The following ZNF678 variants were observed in gnomAD, a reference collection of about 807,000 sequenced individuals.
ZNF678 encodes hypothetical protein MGC42493.
A neutral mutation model predicts 3.0 loss-of-function variants in ZNF678; 5 were observed. The ratio of observed to expected loss-of-function variants is 1.69; its 90% confidence interval spans 0.88 to 3.56. ZNF678 has a LOEUF of 3.56. ZNF678 is among the 30% of genes most tolerant of loss of function. The pLI is 0.00. For synonymous variants in ZNF678, 218 were observed against 199.6 expected (o/e 1.09, Z -0.78); for missense variants, 593 against 605.0 (o/e 0.98, Z 0.21).
At chr1:227,646,732 C>T (rs1416358479) in intron 2 of ZNF678, 62 bp downstream of exon 2, 13 of 1,304,194 alleles carry the variant, frequency 1.0e-5, no homozygotes, top group Non-Finnish European at 1.3e-5. Flanking sequence ...ATTTTTCACT[C>T]CTGAAATGTT....
chr1:227,576,324 G>A (rs1266337404), intron 1 of ZNF678, among the ~76,000 whole-genome samples: 1 of 152,192 alleles, frequency 6.6e-6, no homozygotes, highest in Non-Finnish European at 1.5e-5. Context: ...AGCAGGAATG[G>A]AACCAGCTGT....
In ZNF678 at chr1:227,632,985, G is replaced by A. The variant is rs138235180; in HGVS notation, c.-163-13559G>A. 5.6e-4 allele frequency among the ~76,000 whole-genome samples: 86 copies of A among 152,262 alleles called. No individual in the cohort carries two copies. The East Asian group carries it at 0.013, about 23-fold the overall frequency. ...CCATGGGTCACAGAAGAGAACCGTG[G>A]AACCCAGAAACTAGTGTTCAGCTTG... On this transcript the variant is annotated intron_variant, in intron 1 of 3. Transcript: ENST00000343776.
chr1:227,634,344 G>A (rs773353899), intron 1 of ZNF678, among the ~76,000 whole-genome samples: 61 of 152,272 alleles, frequency 4.0e-4, no homozygotes, highest in Admixed American at 1.1e-3. Context: ...AAAAGCAGAG[G>A]AAAAGGTAAA....
At chr1:227,582,537 CA>C in intron 1 of ZNF678, 1 of 205,966 alleles carries the variant, frequency 4.9e-6, no homozygotes, top group Non-Finnish European at 1.0e-5. Flanking sequence ...CTATGTTGCC[CA>C]GGCTGGTCTT....
intron 1 of ZNF678, among the ~76,000 whole-genome samples, chr1:227,564,289 A>G (rs1656613105): frequency 6.6e-6 from 1 of 152,168 alleles, no homozygotes; most frequent in South Asian, 2.1e-4. Flanking sequence ...CTGGTTATTT[A>G]ATTACTGATT....
intron 1 of ZNF678, among the ~76,000 whole-genome samples, chr1:227,643,059 G>A (rs1401311967): frequency 6.6e-6 from 1 of 151,936 alleles, no homozygotes; most frequent in Non-Finnish European, 1.5e-5. Flanking sequence ...TAGAGAGAGA[G>A]GTGCACAGGG....
In ZNF678 at chr1:227,660,487, C is replaced by T. The variant is rs1158742237; in HGVS notation, c.*4659C>T. The T allele has an allele frequency of 3.9e-5, 6 of 151,948 alleles. No individual in the cohort carries two copies. Among genetic ancestry groups the T allele is most frequent in the African/African-American group, 1.4e-4 (6 of 41,394 alleles). 9.4% of individuals were successfully genotyped at this position (151,948 alleles called of 1,614,324 possible). A position where few individuals can be genotyped will look rare whatever the true frequency, so the allele number is the denominator to read the frequency against. On this transcript the variant is annotated 3_prime_UTR_variant, in exon 4 of 4. Transcript: ENST00000343776. ...TTATTTGGAAGTAAACTTTCTGTAA[C>T]TATTGCAGGTGTCAATTGTTTTCTT...
At chr1:227,593,683 A>G (rs991402497) in intron 1 of ZNF678, among the ~76,000 whole-genome samples, 1 of 152,210 alleles carries the variant, frequency 6.6e-6, no homozygotes, top group African/African-American at 2.4e-5. Context: ...TGAAATTAAC[A>G]TGGTTATGTT....
chr1:227,596,770 G>A (rs1302752010), intron 1 of ZNF678, among the ~76,000 whole-genome samples: 11 of 152,122 alleles, frequency 7.2e-5, no homozygotes, highest in Non-Finnish European at 1.5e-5. Flanking sequence ...AATATAACTT[G>A]ATGTACAATT....
rs61574768 is a variant in ZNF678 at position 227,577,377 on chromosome 1, T to C, written c.-164+13653T>C. On this transcript the variant is annotated intron_variant, in intron 1 of 3. Coordinates refer to ENST00000343776, the MANE Select transcript of ZNF678 (RefSeq NM_001367909.1). ...ATTACTGTGTGGGAGTCTAAATTTC[T>C]TTGAAGGTCTCTAAGAACTTGCTTT... is the stretch of plus-strand genomic sequence containing the variant. 8.8e-3 allele frequency among the ~76,000 whole-genome samples: 1,342 copies of C among 152,352 alleles called. 26 individuals carry two copies. The highest frequency in any genetic ancestry group is 0.031 in the African/African-American group (1,279 of 41,574).
chr1:227,626,851 G>A (rs1489925499), intron 1 of ZNF678, among the ~76,000 whole-genome samples: 1 of 151,866 alleles, frequency 6.6e-6, no homozygotes, highest in African/African-American at 2.4e-5. Context: ...AAGTGGGGCC[G>A]TTATCACTCT....
chr1:227,609,960 C>G (rs1212827652), intron 1 of ZNF678, among the ~76,000 whole-genome samples: 1 of 152,130 alleles, frequency 6.6e-6, no homozygotes, highest in East Asian at 1.9e-4. Context: ...GTCTCGATTT[C>G]CTGACCTCGT....
intron 1 of ZNF678, among the ~76,000 whole-genome samples, chr1:227,604,616 C>G (rs1041248253): frequency 6.6e-6 from 1 of 152,198 alleles, no homozygotes; most frequent in South Asian, 2.1e-4. Context: ...CTCAAACTCC[C>G]GGGCTCAAGT....
intron 1 of ZNF678, among the ~76,000 whole-genome samples, chr1:227,640,937 G>A (rs769666658): frequency 3.9e-5 from 6 of 152,212 alleles, no homozygotes; most frequent in East Asian, 3.8e-4. Flanking sequence ...GCTTGGAGGC[G>A]TCCTCCTAAG....
intron 1 of ZNF678, among the ~76,000 whole-genome samples, chr1:227,631,781 G>T (rs60397612): frequency 6.6e-6 from 1 of 152,126 alleles, no homozygotes; most frequent in Non-Finnish European, 1.5e-5. Context: ...ACTTCTGGGC[G>T]CCATGTTGTC....
chr1:227,678,463 G>A (rs937041961), downstream of ZNF678, among the ~76,000 whole-genome samples: 5 of 152,150 alleles, frequency 3.3e-5, no homozygotes, highest in Non-Finnish European at 5.9e-5. Context: ...GCCTCTCTAG[G>A]CAGGAGGAAG....
chr1:227,639,104 G>A (rs1336207548), intron 1 of ZNF678, among the ~76,000 whole-genome samples: 1 of 152,146 alleles, frequency 6.6e-6, no homozygotes, highest in Non-Finnish European at 1.5e-5. Context: ...TGCTGGGGGC[G>A]GTCCTTGCTG....
At chr1:227,570,209 G>C (rs1656801682) in intron 1 of ZNF678, among the ~76,000 whole-genome samples, 2 of 152,212 alleles carry the variant, frequency 1.3e-5, no homozygotes, top group Non-Finnish European at 2.9e-5. Context: ...TGAGTACCTA[G>C]CAAGGTTTCC....
At chr1:227,617,970 G>A (rs931261217) in intron 1 of ZNF678, among the ~76,000 whole-genome samples, 14 of 152,120 alleles carry the variant, frequency 9.2e-5, no homozygotes, top group African/African-American at 3.4e-4. Context: ...CTGGGAAGGA[G>A]GTTATGCATG....
Sources: allele counts gnomAD v4.1 joint callset (sites outside exome capture counted in the v4.1 genomes callset), GRCh38; gene constraint gnomAD v4.1.1; transcripts MANE v1.5; gene names NCBI Gene and HGNC (gene_info 2026-07-23, HGNC 2026-07-21).